Variants in KHDRBS2 observed in about 807,000 individuals in gnomAD.
KHDRBS2 encodes the protein KH RNA binding domain containing, signal transduction associated 2.
KHDRBS2 carries 26 observed loss-of-function variants against 44.3 expected under a neutral mutation model. The observed-to-expected ratio is 0.59, with a 90% confidence interval of 0.43 to 0.81. KHDRBS2 has a LOEUF of 0.81. Among genes scored for constraint, KHDRBS2 ranks in the 40% least tolerant of loss-of-function variants. The probability of loss-of-function intolerance (pLI) is 0.00; values close to 1 mark genes in which losing one functional copy is unlikely to be tolerated. For synonymous variants in KHDRBS2, 194 were observed against 151.1 expected (o/e 1.28, Z -2.08); for missense variants, 476 against 433.1 (o/e 1.10, Z -0.88).
chr6:61,954,449 G>GTATGTATGCATGCATACATATATACT, intron 4 of KHDRBS2, among the ~76,000 whole-genome samples: 1 of 105,462 alleles, frequency 9.5e-6, no homozygotes, highest in East Asian at 2.8e-4. Context: ...ACATATATAC[G>GTATGTATGCATGCATACATATATACT]TATGTATGTA....
the KHDRBS2 span, among the ~76,000 whole-genome samples, chr6:61,606,486 A>T: frequency 6.6e-6 from 1 of 152,188 alleles, no homozygotes; most frequent in African/African-American, 2.4e-5. Context: ...GGCATAAAAA[A>T]TTTTTAAATG....
rs1288753846 is a variant in KHDRBS2, at chr6:61,955,423, C to A, written c.483+22643G>T. On this transcript the variant is annotated intron_variant, in intron 4 of 8. Coordinates refer to ENST00000281156, the MANE Select transcript of KHDRBS2 (RefSeq NM_152688.4). ...GTATACATATACGTGTATATATACA[C>A]ATACGTATGTGTATGTATACATATG... Among the ~76,000 whole-genome samples, 7 of 140,500 alleles carry A rather than the reference C, an allele frequency of 5.0e-5. 1 individual carries two copies. Among genetic ancestry groups the A allele is most frequent in the Non-Finnish European group, 9.3e-5 (6 of 64,372 alleles). The allele number at this position is 140,500 out of a possible 152,430, so 92.2% of individuals were successfully genotyped here.
chr6:61,880,726 C>T (rs549066615), intron 6 of KHDRBS2, among the ~76,000 whole-genome samples: 7 of 151,974 alleles, frequency 4.6e-5, no homozygotes, highest in African/African-American at 1.7e-4. Context: ...TTCCTGCCTC[C>T]CAGTGTGTTT....
At chr6:61,857,727 A>T (rs1181671856) in intron 6 of KHDRBS2, among the ~76,000 whole-genome samples, 3 of 151,954 alleles carry the variant, frequency 2.0e-5, no homozygotes, top group Non-Finnish European at 4.4e-5. Flanking sequence ...GATCTCATAA[A>T]CCTCAAGCAG....
intron 1 of KHDRBS2, among the ~76,000 whole-genome samples, chr6:62,271,211 T>G (rs1024278154): frequency 4.6e-5 from 7 of 152,176 alleles, no homozygotes; most frequent in African/African-American, 1.7e-4. Context: ...CACATAATGT[T>G]GTTTCAATCA....
intron 2 of KHDRBS2, among the ~76,000 whole-genome samples, chr6:62,124,216 A>G (rs958879386): frequency 6.6e-6 from 1 of 152,176 alleles, no homozygotes; most frequent in Non-Finnish European, 1.5e-5. Flanking sequence ...CAAGTGTCAT[A>G]CAGTAAATGT....
At chr6:62,044,380 G>A (rs1466283690) in intron 3 of KHDRBS2, among the ~76,000 whole-genome samples, 2 of 151,964 alleles carry the variant, frequency 1.3e-5, no homozygotes, top group South Asian at 2.1e-4. Context: ...GGAGGCTGAG[G>A]TGGAAATATC....
At chr6:61,971,611 G>C (rs1250937892) in intron 4 of KHDRBS2, among the ~76,000 whole-genome samples, 1 of 151,968 alleles carries the variant, frequency 6.6e-6, no homozygotes, top group East Asian at 1.9e-4. Flanking sequence ...ATTTTCAAGA[G>C]GCTAATCGAA....
chr6:62,007,132 A>C (rs1303498559), intron 3 of KHDRBS2, among the ~76,000 whole-genome samples: 2 of 152,082 alleles, frequency 1.3e-5, no homozygotes, highest in African/African-American at 4.8e-5. Context: ...AGGCTCGTCA[A>C]ACAAAAAGCT....
At chr6:62,232,116 T>A (rs1443715666) in intron 1 of KHDRBS2, among the ~76,000 whole-genome samples, 2 of 152,178 alleles carry the variant, frequency 1.3e-5, no homozygotes, top group African/African-American at 2.4e-5. Flanking sequence ...AAAATAATAT[T>A]CTTAAAAAGG....
At position 62,286,036 on chromosome 6, in the gene KHDRBS2, G is replaced by A. The variant is rs1402254343; in HGVS notation, c.-88C>T. On this transcript the variant is annotated 5_prime_UTR_variant, in exon 1 of 9. Transcript: ENST00000281156. The stretch of plus-strand genomic sequence containing the variant: ...GGTCTTGGGGCAGCGCCTGGCTCCC[G>A]CGCTGCTCCTCCTCCGCGCGGCGAG... 1.3e-6 allele frequency: 1 copy of A among 778,146 alleles called. No homozygotes were observed. The highest frequency in any genetic ancestry group is 2.2e-6 in the Non-Finnish European group (1 of 453,652). The allele number at this position is 778,146 out of a possible 1,614,324, so 48.2% of individuals were successfully genotyped here.
chr6:61,760,928 A>C (rs898969706), intron 6 of KHDRBS2, among the ~76,000 whole-genome samples: 1 of 152,320 alleles, frequency 6.6e-6, no homozygotes, highest in South Asian at 2.1e-4. Flanking sequence ...TGAGAGGAAA[A>C]GATTACTGCT....
intron 5 of KHDRBS2, among the ~76,000 whole-genome samples, chr6:61,898,202 G>A (rs546692090): frequency 2.4e-4 from 37 of 151,702 alleles, no homozygotes; most frequent in Admixed American, 2.4e-3. Flanking sequence ...TTCAAATTAG[G>A]AATTGTTAAC....
chr6:62,211,482 G>A (rs1829033123), intron 1 of KHDRBS2, among the ~76,000 whole-genome samples: 1 of 152,096 alleles, frequency 6.6e-6, no homozygotes, highest in Non-Finnish European at 1.5e-5. Flanking sequence ...AAAGTTATTT[G>A]TATATCTATA....
chr6:61,545,115 G>A, the KHDRBS2 span, among the ~76,000 whole-genome samples: 1 of 151,916 alleles, frequency 6.6e-6, no homozygotes, highest in Non-Finnish European at 1.5e-5. Context: ...GTAGGAAGCT[G>A]CTCCATGACT....
chr6:61,601,456 G>T, the KHDRBS2 span, among the ~76,000 whole-genome samples: 16 of 152,060 alleles, frequency 1.1e-4, no homozygotes, highest in African/African-American at 3.6e-4. Context: ...CCCCAATACA[G>T]ACTTGACAGT....
At chr6:61,876,089 G>T (rs1799371270) in intron 6 of KHDRBS2, among the ~76,000 whole-genome samples, 1 of 151,982 alleles carries the variant, frequency 6.6e-6, no homozygotes, top group Non-Finnish European at 1.5e-5. Flanking sequence ...CAACTTAAAA[G>T]ATTAGGTTTT....
intron 3 of KHDRBS2, among the ~76,000 whole-genome samples, chr6:62,022,891 T>G (rs1782605327): frequency 6.6e-6 from 1 of 151,592 alleles, no homozygotes; most frequent in Non-Finnish European, 1.5e-5. Context: ...CACAAAGCAG[T>G]AAAAACATGT....
intron 6 of KHDRBS2, among the ~76,000 whole-genome samples, chr6:61,838,490 T>C (rs577887660): frequency 3.9e-5 from 6 of 152,020 alleles, no homozygotes; most frequent in Non-Finnish European, 5.9e-5. Context: ...ATATATACTA[T>C]TGTAATAATA....
Sources: gnomAD v4.1 joint callset for allele counts (sites outside exome capture counted in the v4.1 genomes callset) on GRCh38, gnomAD v4.1.1 for gene constraint, MANE v1.5 for transcripts, NCBI Gene and HGNC (gene_info 2026-07-23, HGNC 2026-07-21) for gene names.